The following RAD51 variants were observed in gnomAD, a reference collection of about 807,000 sequenced individuals.
RAD51 encodes RAD51 recombinase, also known as DNA repair protein RAD51 homolog 1.
RAD51 carries 14 observed loss-of-function variants against 41.5 expected under a neutral mutation model. That is an observed-to-expected ratio of 0.34 (90% CI 0.22 to 0.53). The LOEUF (loss-of-function observed/expected upper bound fraction) is 0.53, where lower values mean the gene tolerates loss of function less well. RAD51 is among the 20% of genes least tolerant of loss of function. The probability of loss-of-function intolerance (pLI) is 0.95; values close to 1 mark genes in which losing one functional copy is unlikely to be tolerated. For synonymous variants in RAD51, 136 were observed against 148.6 expected, an observed-to-expected ratio of 0.92 and a Z score of 0.62; for missense variants, 234 against 422.0, an observed-to-expected ratio of 0.55 and a Z score of 3.90.
chr15:40,721,138 G>A (rs529123844), intron 6 of RAD51, among the ~76,000 whole-genome samples: 165 of 152,272 alleles, frequency 1.1e-3, no homozygotes, highest in Middle Eastern at 3.4e-3. Flanking sequence ...ACCTGAGATC[G>A]CGCCACTGCA....
chr15:40,726,012 G>A (rs2141873821), intron 6 of RAD51, among the ~76,000 whole-genome samples: 1 of 151,550 alleles, frequency 6.6e-6, no homozygotes, highest in East Asian at 1.9e-4. Flanking sequence ...AAAAAAAAAT[G>A]CAAGCTCTCC....
chr15:40,708,581 G>A (rs139534079), intron 4 of RAD51, among the ~76,000 whole-genome samples: 1 of 150,918 alleles, frequency 6.6e-6, no homozygotes, highest in Admixed American at 6.6e-5. Flanking sequence ...TGGTTTATTT[G>A]TTTGTTTGTT....
chr15:40,712,186 AGAG>A (rs1197394237), intron 5 of RAD51, among the ~76,000 whole-genome samples: 1 of 152,222 alleles, frequency 6.6e-6, no homozygotes, highest in African/African-American at 2.4e-5. Flanking sequence ...GTGACAATAA[AGAG>A]AAGTAGGGAA....
intron 1 of RAD51, among the ~76,000 whole-genome samples, chr15:40,698,026 C>T (rs531540241): frequency 1.3e-5 from 2 of 152,152 alleles, no homozygotes; most frequent in Non-Finnish European, 2.9e-5. Flanking sequence ...CTGTAGTCAC[C>T]CTACTGTGAA....
chr15:40,715,379 C>T (rs56409425), intron 5 of RAD51, among the ~76,000 whole-genome samples: 97,828 of 151,680 alleles, frequency 0.64, 32,115 homozygotes, highest in East Asian at 0.92. Context: ...AACCAAAAAA[C>T]CACAAAACAA....
At chr15:40,709,840 A>G (rs1399010915) in intron 5 of RAD51, among the ~76,000 whole-genome samples, 1 of 152,138 alleles carries the variant, frequency 6.6e-6, no homozygotes, top group African/African-American at 2.4e-5. Flanking sequence ...GAAAAATCGT[A>G]TCATACAGCT....
At chr15:40,715,769 T>TA (rs1895956928) in intron 5 of RAD51, among the ~76,000 whole-genome samples, 1 of 152,180 alleles carries the variant, frequency 6.6e-6, no homozygotes. Context: ...GCCAAGGAAG[T>TA]CTATTCAATT....
chr15:40,708,283 C>G (rs1186410597), intron 4 of RAD51, among the ~76,000 whole-genome samples: 1 of 143,362 alleles, frequency 7.0e-6, no homozygotes, highest in Non-Finnish European at 1.5e-5. Flanking sequence ...GGCTGGAGTG[C>G]AGTGGCGTGA....
At chr15:40,706,111 T>C in intron 3 of RAD51, 66 bp from the exon 4 acceptor site, 1 of 1,158,598 alleles carries the variant, frequency 8.6e-7, no homozygotes, top group Non-Finnish European at 1.3e-6. Flanking sequence ...ATATATTTTT[T>C]TGCCATCAAG....
chr15:40,721,398 C>T (rs963097592), intron 6 of RAD51, among the ~76,000 whole-genome samples: 4 of 152,072 alleles, frequency 2.6e-5, no homozygotes, highest in African/African-American at 7.2e-5. Flanking sequence ...TATAAAGCTA[C>T]AATAACCAAG....
intron 3 of RAD51, among the ~76,000 whole-genome samples, chr15:40,705,918 G>A (rs1375337095): frequency 1.3e-5 from 2 of 152,082 alleles, no homozygotes; most frequent in African/African-American, 2.4e-5. Flanking sequence ...ATCTATAATA[G>A]TTTTTAAAAC....
At chr15:40,700,957 G>T in intron 2 of RAD51, 107 bp from the exon 3 acceptor site, 33 of 921,812 alleles carry the variant, frequency 3.6e-5, no homozygotes, top group Non-Finnish European at 4.8e-5. Flanking sequence ...AGGGACAGTT[G>T]TATTACAAGT....
At chr15:40,706,406 A>C in intron 4 of RAD51, 112 bp downstream of exon 4, 1 of 964,394 alleles carries the variant, frequency 1.0e-6, no homozygotes, top group Non-Finnish European at 1.6e-6. Context: ...TGATAAAGAG[A>C]TAGAGGAAGG....
chr15:40,701,550 C>T (rs573048041), intron 3 of RAD51, among the ~76,000 whole-genome samples: 4 of 151,350 alleles, frequency 2.6e-5, no homozygotes, highest in East Asian at 3.9e-4. Context: ...GGGGTAGTCT[C>T]GAACTCCTGA....
chr15:40,699,873 T>G (rs1261477122), intron 2 of RAD51, among the ~76,000 whole-genome samples: 1 of 152,146 alleles, frequency 6.6e-6, no homozygotes, highest in Non-Finnish European at 1.5e-5. Flanking sequence ...TTGGGCTAAG[T>G]AGGAGGAAAG....
rs189533467 is a variant in RAD51, at chr15:40,727,963, G to A, written c.531-748G>A. ...CAACTTCTGTCTCCCGGGTTCAAGCGATTCTTCTGCCTCAGCCTCCCAAGT... is the reference window on the plus strand; with the variant it reads ...CAACTTCTGTCTCCCGGGTTCAAGCAATTCTTCTGCCTCAGCCTCCCAAGT... On this transcript the variant is annotated intron_variant, in intron 6 of 9. Coordinates refer to ENST00000267868, the MANE Select transcript of RAD51 (RefSeq NM_002875.5). Among the ~76,000 whole-genome samples the A allele has an allele frequency of 9.9e-4, 149 of 151,032 alleles. 1 individual carries two copies. The highest frequency in any genetic ancestry group is 3.4e-3 in the African/African-American group (138 of 41,114).
In RAD51 at chr15:40,697,608, C is replaced by T. The variant is rs770856865; in HGVS notation, c.-2-1149C>T. 6.2e-4 allele frequency among the ~76,000 whole-genome samples: 73 copies of T among 117,184 alleles called. 1 individual carries two copies. Among genetic ancestry groups the T allele is most frequent in the Non-Finnish European group, 9.8e-4 (60 of 61,186 alleles). The allele number at this position is 117,184 out of a possible 152,430, so 76.9% of individuals were successfully genotyped here. A position where few individuals can be genotyped will look rare whatever the true frequency, so the allele number is the denominator to read the frequency against. On this transcript the variant is annotated intron_variant, in intron 1 of 9. Coordinates refer to ENST00000267868, the MANE Select transcript of RAD51 (RefSeq NM_002875.5). Reference sequence around the variant, plus strand: ...TTTTTTTTTTTTTGAGACGGAGTCTCACTCTGTCGCCCAGGCTGGAGTGCA... The same window carrying T: ...TTTTTTTTTTTTTGAGACGGAGTCTTACTCTGTCGCCCAGGCTGGAGTGCA...
Position 40,709,017 on chromosome 15 carries a change from T to C in RAD51, c.344-8T>C. On this transcript the variant is annotated splice_polypyrimidine_tract_variant and splice_region_variant and intron_variant, in intron 4 of 9. Transcript: ENST00000267868. ...TATGCTAAGAGTTATTTCTTATCGC[T>C]TTTTTAGGTGGAATTGAGACTGGAT... is the stretch of plus-strand genomic sequence containing the variant. 1 of 1,609,090 alleles carries C rather than the reference T, an allele frequency of 6.2e-7. No individual in the cohort carries two copies. Among genetic ancestry groups the C allele is most frequent in the Non-Finnish European group, 8.5e-7 (1 of 1,175,450 alleles).
intron 3 of RAD51, among the ~76,000 whole-genome samples, chr15:40,704,100 A>T (rs942413274): frequency 6.6e-6 from 1 of 151,542 alleles, no homozygotes; most frequent in Non-Finnish European, 1.5e-5. Flanking sequence ...TTTGAGACGG[A>T]GTCTCCCTCT....
Sources: gnomAD v4.1 joint callset for allele counts (sites outside exome capture counted in the v4.1 genomes callset) on GRCh38, gnomAD v4.1.1 for gene constraint, MANE v1.5 for transcripts, NCBI Gene and HGNC (gene_info 2026-07-23, HGNC 2026-07-21) for gene names.